ANKFY1: variants seen among roughly 807,000 people sequenced by gnomAD.
ANKFY1 encodes ankyrin repeat and FYVE domain-containing protein 1.
Under a neutral mutation model 128.3 loss-of-function variants are expected in ANKFY1, and 47 were observed. The ratio of observed to expected loss-of-function variants is 0.37; its 90% CI spans 0.29 to 0.47. ANKFY1 has a LOEUF of 0.47. Among genes scored for constraint, ANKFY1 ranks in the 20% least tolerant of loss-of-function variants. The pLI is 1.00. For synonymous variants in ANKFY1, 553 were observed against 601.6 expected, an observed-to-expected ratio of 0.92 and a Z score of 1.18; for missense variants, 1,222 against 1,510.6, an observed-to-expected ratio of 0.81 and a Z score of 3.17.
chr17:4,239,830 A>G (rs1331409957), intron 2 of ANKFY1, among the ~76,000 whole-genome samples: 1 of 151,824 alleles, frequency 6.6e-6, no homozygotes, highest in Non-Finnish European at 1.5e-5. Context: ...TGAGCGATCT[A>G]TTTAAAATGT....
At chr17:4,235,306 A>ACTC in intron 3 of ANKFY1, among the ~76,000 whole-genome samples, 1 of 138,168 alleles carries the variant, frequency 7.2e-6, no homozygotes, top group South Asian at 2.3e-4. Context: ...TCACTATTGC[A>ACTC]CTCCAGCCTG....
At chr17:4,179,667 G>C (rs2059473971) in intron 17 of ANKFY1, 54 bp downstream of exon 17, 2 of 1,594,844 alleles carry the variant, frequency 1.3e-6, no homozygotes, top group South Asian at 2.2e-5. Context: ...ATAGGAGGAG[G>C]CTTCCCTCAT....
intron 2 of ANKFY1, 120 bp downstream of exon 2, chr17:4,242,136 A>C: frequency 9.6e-7 from 1 of 1,037,466 alleles, no homozygotes; most frequent in Non-Finnish European, 1.3e-6. Context: ...ATTCTAGGGA[A>C]TCGATTTGCT....
intron 16 of ANKFY1, 119 bp from the exon 17 acceptor site, chr17:4,179,996 C>A (rs1309350386): frequency 3.1e-6 from 4 of 1,296,178 alleles, no homozygotes; most frequent in Non-Finnish European, 4.3e-6. Flanking sequence ...GTGGCCGGGT[C>A]TGCTGTCCTT....
intron 1 of ANKFY1, among the ~76,000 whole-genome samples, chr17:4,248,695 C>T (rs953724935): frequency 4.6e-5 from 7 of 152,104 alleles, no homozygotes; most frequent in Non-Finnish European, 7.4e-5. Context: ...GGCATGGTGG[C>T]GCATGCCTGT....
intron 2 of ANKFY1, among the ~76,000 whole-genome samples, chr17:4,239,489 G>A (rs1266672830): frequency 1.3e-5 from 2 of 152,134 alleles, no homozygotes; most frequent in African/African-American, 2.4e-5. Flanking sequence ...AAAGGGCTAA[G>A]TTGATAGCAG....
intron 23 of ANKFY1, among the ~76,000 whole-genome samples, chr17:4,170,016 G>A (rs557372364): frequency 3.7e-4 from 57 of 152,170 alleles, no homozygotes; most frequent in Non-Finnish European, 7.6e-4. Context: ...GATGGGCACC[G>A]GTGCTGAGCT....
At chr17:4,205,667 A>G (rs1439634239) in intron 7 of ANKFY1, among the ~76,000 whole-genome samples, 1 of 151,580 alleles carries the variant, frequency 6.6e-6, no homozygotes, top group East Asian at 1.9e-4. Flanking sequence ...GCATGAACCC[A>G]GGAGGCGGAG....
rs780256056 is a variant in ANKFY1 at position 4,208,037 on chromosome 17, A to G, written c.628T>C (p.Leu210=). ...GTCTTGGATTTGATCATTTTGTATA[A>G]CAACTGAGCGCTCATGCTGCTGAAA... ...EDFSSMSAQL[L]YKMIKSKTEY... is the part of the protein sequence containing the mutation. The change falls in exon 6 of 25, where the codon TTA becomes CTA. Residue 210 remains leucine, a synonymous_variant. Transcript: ENST00000341657. 36 of 1,611,082 alleles carry G rather than the reference A, an allele frequency of 2.2e-5. No homozygotes were observed. The East Asian group carries it at 7.4e-4, about 33-fold the overall frequency.
chr17:4,212,107 G>A (rs1055190934), intron 4 of ANKFY1, among the ~76,000 whole-genome samples: 3 of 152,130 alleles, frequency 2.0e-5, no homozygotes, highest in African/African-American at 7.2e-5. Context: ...GGGAAAAGGT[G>A]GCCAGGGAAC....
chr17:4,194,949 G>T, intron 10 of ANKFY1, 29 bp downstream of exon 10: 1 of 1,613,456 alleles, frequency 6.2e-7, no homozygotes, highest in Non-Finnish European at 8.5e-7. Context: ...AGACCCCAGC[G>T]TCGCCCCTTC....
chr17:4,260,647 C>T (rs1024109378), intron 1 of ANKFY1, among the ~76,000 whole-genome samples: 1 of 127,576 alleles, frequency 7.8e-6, no homozygotes, highest in Non-Finnish European at 1.7e-5. Context: ...AAAAAACCCA[C>T]AAATGAAGCT....
chr17:4,247,382 T>C (rs1216956585), intron 1 of ANKFY1, among the ~76,000 whole-genome samples: 7 of 152,144 alleles, frequency 4.6e-5, no homozygotes, highest in Non-Finnish European at 1.5e-5. Context: ...AGATATAAAC[T>C]ACCAAGGTAA....
rs1380242956 is a variant in ANKFY1, at chr17:4,256,480, GAGAACTATGTACT to G, written c.10+7439_10+7451del. ...TGTACTGTGCAGGGTTCTCCAGGTT[GAGAACTATGTACT>G]AATGGAACGAGGGAGAGAGGAAAGC... On this transcript the variant is annotated intron_variant, in intron 1 of 24. Coordinates refer to ENST00000341657, the MANE Select transcript of ANKFY1 (RefSeq NM_001330063.2). Among the ~76,000 whole-genome samples the G allele has an allele frequency of 2.6e-5, 4 of 152,188 alleles. 1 individual carries two copies. The highest frequency in any genetic ancestry group is 5.9e-5 in the Non-Finnish European group (4 of 68,014).
intron 3 of ANKFY1, among the ~76,000 whole-genome samples, chr17:4,230,038 C>T (rs976583402): frequency 3.9e-5 from 6 of 152,202 alleles, no homozygotes; most frequent in African/African-American, 1.4e-4. Context: ...ATCGAAGGAA[C>T]ACAGTATGAT....
intron 22 of ANKFY1, among the ~76,000 whole-genome samples, chr17:4,172,062 G>A (rs2059330739): frequency 6.6e-6 from 1 of 152,184 alleles, no homozygotes; most frequent in South Asian, 2.1e-4. Flanking sequence ...AGGGCCACAC[G>A]AATGAACACA....
At chr17:4,262,052 G>A (rs1968446379) in intron 1 of ANKFY1, among the ~76,000 whole-genome samples, 2 of 152,230 alleles carry the variant, frequency 1.3e-5, no homozygotes, top group South Asian at 4.1e-4. Flanking sequence ...CCTGCCGGGC[G>A]CGATGGCTCA....
At position 4,194,985 on chromosome 17, in the gene ANKFY1, C is replaced by A. The variant is rs370239349; in HGVS notation, c.1365G>T (p.Thr455=). The A allele has an allele frequency of 5.6e-6, 9 of 1,614,076 alleles. No individual in the cohort carries two copies. The highest frequency in any genetic ancestry group is 7.6e-6 in the Non-Finnish European group (9 of 1,180,052). ...GGGAGGCACGTGCTTTACCTGTCGC[C>A]GTGTCAGGTGCGTCTGTGTGGCTGC... is the stretch of plus-strand genomic sequence containing the variant. The part of the protein sequence containing the change: ...QRGSHTDAPD[T]ATGNCLLQRA... Residue 455 remains threonine (T), a synonymous_variant, in exon 10 of 25, where the codon ACG becomes ACT. Coordinates refer to ENST00000341657, the MANE Select transcript of ANKFY1 (RefSeq NM_001330063.2).
chr17:4,173,419 G>A lies in ANKFY1; in HGVS notation c.2949C>T (p.Gly983=). The A allele has an allele frequency of 6.2e-7, 1 of 1,614,168 alleles. No individual in the cohort carries two copies. Among genetic ancestry groups the A allele is most frequent in the Non-Finnish European group, 8.5e-7 (1 of 1,179,990 alleles). The part of the protein sequence containing the change: ...NNALHLAVMH[G]RLNNIRVLLT... Reference sequence around the variant, plus strand: ...GGAGAACCCGGATGTTGTTGAGCCGGCCGTGCATGACAGCAAGATGAAGAG... The same window carrying A: ...GGAGAACCCGGATGTTGTTGAGCCGACCGTGCATGACAGCAAGATGAAGAG... Residue 983 remains glycine (G), a synonymous_variant, in exon 21 of 25, where the codon GGC becomes GGT. Transcript: ENST00000341657.
Sources: allele counts gnomAD v4.1 joint callset (sites outside exome capture counted in the v4.1 genomes callset), GRCh38; gene constraint gnomAD v4.1.1; transcripts MANE v1.5; gene names NCBI Gene and HGNC (gene_info 2026-07-23, HGNC 2026-07-21).